Variants in LRRC4C observed in about 807,000 individuals in gnomAD.
LRRC4C encodes leucine rich repeat containing 4C.
LRRC4C carries 5 observed loss-of-function variants against 33.6 expected under a neutral mutation model. The observed-to-expected ratio is 0.15, with a 90% CI of 0.08 to 0.31. The LOEUF (loss-of-function observed/expected upper bound fraction) is 0.31, where lower values mean the gene tolerates loss of function less well. LRRC4C is among the 10% of genes least tolerant of loss of function. The probability of loss-of-function intolerance (pLI) is 1.00; values close to 1 mark genes in which losing one functional copy is unlikely to be tolerated. For synonymous variants in LRRC4C, 329 were observed against 302.0 expected (o/e 1.09, Z -0.93); for missense variants, 560 against 796.7 (o/e 0.70, Z 3.58).
chr11:40,303,649 A>G (rs2136684309), intron 4 of LRRC4C, among the ~76,000 whole-genome samples: 1 of 151,668 alleles, frequency 6.6e-6, no homozygotes, highest in East Asian at 1.9e-4. Context: ...TTATAATTTT[A>G]CAATTAAAAC....
intron 4 of LRRC4C, among the ~76,000 whole-genome samples, chr11:40,253,792 A>C (rs922082018): frequency 6.6e-6 from 1 of 152,216 alleles, no homozygotes; most frequent in Non-Finnish European, 1.5e-5. Context: ...CAATTCTCTC[A>C]ACAATAAAAC....
intron 3 of LRRC4C, among the ~76,000 whole-genome samples, chr11:40,593,030 A>G (rs938388768): frequency 2.0e-5 from 3 of 152,204 alleles, no homozygotes; most frequent in African/African-American, 7.2e-5. Context: ...GAGTAAATTT[A>G]CTAATCAATA....
At chr11:40,528,238 A>G (rs1272387751) in intron 3 of LRRC4C, among the ~76,000 whole-genome samples, 1 of 152,216 alleles carries the variant, frequency 6.6e-6, no homozygotes, top group Non-Finnish European at 1.5e-5. Flanking sequence ...CAGAACAAAA[A>G]GGAAATCTAT....
chr11:41,226,842 C>CAT (rs769698021), intron 1 of LRRC4C, among the ~76,000 whole-genome samples: 20 of 151,944 alleles, frequency 1.3e-4, no homozygotes, highest in Non-Finnish European at 2.2e-4. Flanking sequence ...AAATAGTCCA[C>CAT]ATCTGCAGTC....
intron 3 of LRRC4C, among the ~76,000 whole-genome samples, chr11:40,565,947 G>A (rs1237184589): frequency 6.6e-6 from 1 of 151,900 alleles, no homozygotes; most frequent in Admixed American, 6.6e-5. Context: ...AATACAACAT[G>A]AAATGTCCTC....
rs536090291 is a variant in LRRC4C, at chr11:40,901,038, C to T, written c.-407+32597G>A. On this transcript the variant is annotated intron_variant, in intron 2 of 6. Transcript: ENST00000528697. The stretch of plus-strand genomic sequence containing the variant: ...CTGGGCCTGTTGCTTTGTATGAGGA[C>T]GTTCTTTGAACACATTTTCAATTCC... 5.3e-5 allele frequency among the ~76,000 whole-genome samples: 8 copies of T among 152,140 alleles called. No individual in the cohort carries two copies. The South Asian group carries it at 6.2e-4, about 12-fold the overall frequency.
At chr11:41,061,218 G>T (rs1047143176) in intron 1 of LRRC4C, among the ~76,000 whole-genome samples, 1 of 152,158 alleles carries the variant, frequency 6.6e-6, no homozygotes, top group African/African-American at 2.4e-5. Context: ...GAGTGGAGAT[G>T]CAAGGCGAGG....
At chr11:41,107,058 A>ATTTTTTTTTTTTTTT (rs3979485) in intron 1 of LRRC4C, among the ~76,000 whole-genome samples, 1 of 141,034 alleles carries the variant, frequency 7.1e-6, no homozygotes. Flanking sequence ...TTAGGTTTTG[A>ATTTTTTTTTTTTTTT]TTTTTTTTTT....
At chr11:41,372,110 C>T (rs1019535480) in intron 1 of LRRC4C, among the ~76,000 whole-genome samples, 1 of 152,212 alleles carries the variant, frequency 6.6e-6, no homozygotes, top group African/African-American at 2.4e-5. Context: ...GCACTCCAGC[C>T]TGGGCACCTG....
chr11:40,268,208 G>A (rs1184977707), intron 4 of LRRC4C, among the ~76,000 whole-genome samples: 1 of 152,156 alleles, frequency 6.6e-6, no homozygotes, highest in Admixed American at 6.6e-5. Flanking sequence ...AATACAAAAT[G>A]TGCTTTCTAG....
At chr11:40,567,389 G>T (rs1957807055) in intron 3 of LRRC4C, among the ~76,000 whole-genome samples, 2 of 152,098 alleles carry the variant, frequency 1.3e-5, no homozygotes, top group South Asian at 4.1e-4. Context: ...TATATACCAG[G>T]CATCAAGCTA....
chr11:40,862,987 C>G (rs1006606260), intron 2 of LRRC4C, among the ~76,000 whole-genome samples: 2 of 152,136 alleles, frequency 1.3e-5, no homozygotes, highest in South Asian at 4.1e-4. Context: ...TTCTCCAACA[C>G]GGAACACGTT....
intron 3 of LRRC4C, among the ~76,000 whole-genome samples, chr11:40,325,078 A>T (rs949844813): frequency 1.3e-5 from 2 of 152,154 alleles, no homozygotes; most frequent in East Asian, 3.9e-4. Context: ...GTCTTCTATG[A>T]ACAGATTGGC....
In LRRC4C at chr11:41,120,324, A is replaced by G. The variant is rs576665488; in HGVS notation, c.-495-186601T>C. ...CAAATATCTATTGAGTTCCAGGCAT[A>G]GTATTCAGTATTTGTCATTGTGCAG... On this transcript the variant is annotated intron_variant, in intron 1 of 6. Coordinates refer to ENST00000528697, the MANE Select transcript of LRRC4C (RefSeq NM_001258419.2). 7.2e-5 allele frequency among the ~76,000 whole-genome samples: 11 copies of G among 152,318 alleles called. No homozygotes were observed. The South Asian group carries it at 2.3e-3, about 32-fold the overall frequency.
intron 1 of LRRC4C, among the ~76,000 whole-genome samples, chr11:40,957,163 G>A (rs891859977): frequency 6.6e-6 from 1 of 151,716 alleles, no homozygotes; most frequent in Non-Finnish European, 1.5e-5. Flanking sequence ...ACTGTAGCAT[G>A]TTTTATTTTT....
chr11:40,750,823 AAAAGT>A lies in LRRC4C; in HGVS notation c.-406-102550_-406-102546del, dbSNP rs58394625. ...ATAATAAAAAGAAAAAAAAAAAAAG[AAAAGT>A]AGAGACCAATACCCCTGCTGAACAA... On this transcript the variant is annotated intron_variant, in intron 2 of 6. Coordinates refer to ENST00000528697, the MANE Select transcript of LRRC4C (RefSeq NM_001258419.2). Among the ~76,000 whole-genome samples the A allele has an allele frequency of 4.8e-3, 729 of 150,804 alleles. 7 individuals carry two copies. Among genetic ancestry groups the A allele is most frequent in the African/African-American group, 0.016 (676 of 41,150 alleles).
chr11:40,409,579 C>G (rs1415346504), intron 3 of LRRC4C, among the ~76,000 whole-genome samples: 35 of 151,880 alleles, frequency 2.3e-4, no homozygotes, highest in Admixed American at 2.2e-3. Flanking sequence ...TAAAAATGGA[C>G]AAAGGACCTG....
chr11:40,730,022 G>A (rs1031723752), intron 2 of LRRC4C, among the ~76,000 whole-genome samples: 63 of 151,544 alleles, frequency 4.2e-4, no homozygotes, highest in African/African-American at 1.5e-3. Context: ...ACCAAACACC[G>A]CATATTCTCA....
chr11:40,688,521 C>G (rs1243791676), intron 2 of LRRC4C, among the ~76,000 whole-genome samples: 1 of 152,006 alleles, frequency 6.6e-6, no homozygotes. Flanking sequence ...GCCTTGGGCT[C>G]TCATACACTA....
Sources: allele counts gnomAD v4.1 joint callset (sites outside exome capture counted in the v4.1 genomes callset), GRCh38; gene constraint gnomAD v4.1.1; transcripts MANE v1.5; gene names NCBI Gene and HGNC (gene_info 2026-07-23, HGNC 2026-07-21).